C2orf76: variants seen among roughly 807,000 people sequenced by gnomAD.
C2orf76 encodes the protein chromosome 2 open reading frame 76.
A neutral mutation model predicts 16.9 loss-of-function variants in C2orf76; 23 were observed. The ratio of observed to expected loss-of-function variants is 1.36; its 90% CI spans 0.98 to 1.93. C2orf76 has a LOEUF of 1.93. Ranked by LOEUF, C2orf76 falls within the 30% of genes most tolerant of loss-of-function variation. C2orf76 has a pLI of 0.00. For missense variants in C2orf76, 152 were observed against 152.6 expected, an observed-to-expected ratio of 1.00 and a Z score of 0.02; for synonymous variants, 48 against 52.3, an observed-to-expected ratio of 0.92 and a Z score of 0.35.
intron 5 of C2orf76, chr2:119,311,073 C>T (rs1678969300): frequency 8.9e-6 from 7 of 783,166 alleles, no homozygotes; most frequent in African/African-American, 1.9e-5. Flanking sequence ...GGTCACAAAA[C>T]ATGTCACATA....
intron 5 of C2orf76, among the ~76,000 whole-genome samples, chr2:119,305,153 A>G (rs772342549): frequency 6.6e-6 from 1 of 152,220 alleles, no homozygotes; most frequent in Admixed American, 6.5e-5. Flanking sequence ...CTTACTATCA[A>G]ATGAAACCAA....
At chr2:119,286,153 G>C in the C2orf76 span, among the ~76,000 whole-genome samples, 1 of 150,728 alleles carries the variant, frequency 6.6e-6, no homozygotes, top group African/African-American at 2.4e-5. Context: ...TTGAACCCAG[G>C]AGGCAGAGGC....
At chr2:119,298,522 A>G (rs1218895808), downstream of C2orf76, among the ~76,000 whole-genome samples, 2 of 151,900 alleles carry the variant, frequency 1.3e-5, no homozygotes, top group Non-Finnish European at 2.9e-5. Context: ...CCTTTCTTCT[A>G]GCCTACGTTT....
intron 1 of C2orf76, among the ~76,000 whole-genome samples, chr2:119,347,924 T>C (rs762477692): frequency 6.6e-6 from 1 of 151,518 alleles, no homozygotes. Flanking sequence ...TCTATAATCC[T>C]AGCTACTTGG....
chr2:119,336,991 G>A (rs1218839709), intron 2 of C2orf76, among the ~76,000 whole-genome samples: 6 of 152,180 alleles, frequency 3.9e-5, no homozygotes, highest in Middle Eastern at 3.4e-3. Flanking sequence ...AACATGCCTG[G>A]GTTGATTTGC....
intron 1 of C2orf76, among the ~76,000 whole-genome samples, chr2:119,358,208 T>C (rs192353162): frequency 1.3e-5 from 2 of 152,300 alleles, no homozygotes; most frequent in East Asian, 3.9e-4. Context: ...GCTAGGCCCC[T>C]TGCACCAAAC....
At chr2:119,344,215 A>G (rs761314376) in intron 1 of C2orf76, among the ~76,000 whole-genome samples, 210 of 152,338 alleles carry the variant, frequency 1.4e-3, no homozygotes, top group Admixed American at 5.0e-3. Context: ...CAGAAGGACC[A>G]TTATCTAATT....
At chr2:119,362,677 C>T (rs1399163976) in intron 1 of C2orf76, among the ~76,000 whole-genome samples, 2 of 152,136 alleles carry the variant, frequency 1.3e-5, no homozygotes, top group African/African-American at 4.8e-5. Context: ...CAGTGTATGA[C>T]CAACTCATGG....
At chr2:119,307,184 A>T (rs1053509917) in intron 5 of C2orf76, among the ~76,000 whole-genome samples, 1 of 152,134 alleles carries the variant, frequency 6.6e-6, no homozygotes, top group Admixed American at 6.6e-5. Flanking sequence ...TCACGCCTAT[A>T]ATCCCAGCAC....
chr2:119,284,532 T>G, the C2orf76 span, among the ~76,000 whole-genome samples: 1 of 152,050 alleles, frequency 6.6e-6, no homozygotes, highest in East Asian at 1.9e-4. Flanking sequence ...TTGCATAATT[T>G]TTATCTGGGC....
the C2orf76 span, among the ~76,000 whole-genome samples, chr2:119,285,945 C>T: frequency 6.6e-6 from 1 of 151,928 alleles, no homozygotes; most frequent in Non-Finnish European, 1.5e-5. Context: ...AAAGCAAGGC[C>T]GGCCAGGCAC....
intron 1 of C2orf76, among the ~76,000 whole-genome samples, chr2:119,344,824 G>A (rs1573670007): frequency 6.6e-6 from 1 of 152,166 alleles, no homozygotes; most frequent in South Asian, 2.1e-4. Flanking sequence ...AGCAGAAATA[G>A]ATGGACAAAT....
chr2:119,282,075 G>A, the C2orf76 span, among the ~76,000 whole-genome samples: 1 of 152,070 alleles, frequency 6.6e-6, no homozygotes, highest in South Asian at 2.1e-4. Context: ...GAATCCAGGA[G>A]GTGGAGGTTG....
At chr2:119,339,436 C>G (rs1344679856) in intron 2 of C2orf76, among the ~76,000 whole-genome samples, 1 of 152,148 alleles carries the variant, frequency 6.6e-6, no homozygotes, top group Non-Finnish European at 1.5e-5. Flanking sequence ...CCGCTCCCCT[C>G]CCACCACACT....
intron 5 of C2orf76, among the ~76,000 whole-genome samples, chr2:119,305,779 TCA>T (rs1476382458): frequency 6.6e-6 from 1 of 152,110 alleles, no homozygotes; most frequent in Non-Finnish European, 1.5e-5. Flanking sequence ...AAAGCTGTGC[TCA>T]CAGCTGAGTT....
At chr2:119,309,709 C>T (rs1485522306) in intron 5 of C2orf76, among the ~76,000 whole-genome samples, 1 of 152,184 alleles carries the variant, frequency 6.6e-6, no homozygotes, top group African/African-American at 2.4e-5. Context: ...GCATGAGCCA[C>T]CATGCCCGAC....
chr2:119,309,120 T>A (rs1377917946), intron 5 of C2orf76, among the ~76,000 whole-genome samples: 2 of 152,128 alleles, frequency 1.3e-5, no homozygotes, highest in African/African-American at 2.4e-5. Flanking sequence ...CTAGAGCTCC[T>A]GGCCTCAGGC....
At chr2:119,285,572 T>C in the C2orf76 span, among the ~76,000 whole-genome samples, 2 of 152,282 alleles carry the variant, frequency 1.3e-5, no homozygotes, top group Admixed American at 6.5e-5. Context: ...AATCAGCACA[T>C]ATATTTTAAA....
At chr2:119,289,771 A>G in the C2orf76 span, among the ~76,000 whole-genome samples, 2 of 150,642 alleles carry the variant, frequency 1.3e-5, no homozygotes, top group Non-Finnish European at 1.5e-5. Context: ...CTATAAAGAG[A>G]CCCTGCCACT....
Sources: gnomAD v4.1 joint callset for allele counts (sites outside exome capture counted in the v4.1 genomes callset) on GRCh38, gnomAD v4.1.1 for gene constraint, MANE v1.5 for transcripts, NCBI Gene and HGNC (gene_info 2026-07-23, HGNC 2026-07-21) for gene names.